Variants in DLK1 observed in about 807,000 individuals in gnomAD.
DLK1 encodes protein delta homolog 1.
A neutral mutation model predicts 35.2 loss-of-function variants in DLK1; 9 were observed. The ratio of observed to expected loss-of-function variants is 0.26; its 90% CI spans 0.15 to 0.45. The LOEUF (loss-of-function observed/expected upper bound fraction) is 0.45, where lower values mean the gene tolerates loss of function less well. DLK1 is among the 20% of genes least tolerant of loss of function. DLK1 has a pLI of 1.00. For missense variants in DLK1, 522 were observed against 528.5 expected, an observed-to-expected ratio of 0.99 and a Z score of 0.12; for synonymous variants, 231 against 228.4, an observed-to-expected ratio of 1.01 and a Z score of -0.10.
At chr14:100,729,793 C>T (rs1289786004) in intron 3 of DLK1, among the ~76,000 whole-genome samples, 1 of 152,136 alleles carries the variant, frequency 6.6e-6, no homozygotes, top group Non-Finnish European at 1.5e-5. Flanking sequence ...CCAGCCCTAA[C>T]GTTTGAGCAA....
At chr14:100,727,313 G>A (rs1454403927) in intron 1 of DLK1, among the ~76,000 whole-genome samples, 178 bp downstream of exon 1, 11 of 152,172 alleles carry the variant, frequency 7.2e-5, no homozygotes, top group Admixed American at 5.2e-4. Context: ...GCCAAGGCCC[G>A]TCCCAGGGGT....
intron 2 of DLK1, 138 bp from the exon 3 acceptor site, chr14:100,728,798 G>A (rs1387472733): frequency 3.4e-6 from 4 of 1,161,082 alleles, no homozygotes; most frequent in African/African-American, 1.5e-5. Flanking sequence ...CAGGTGGCTG[G>A]TGTTTACTTC....
At chr14:100,728,280 A>G (rs1366783374) in intron 1 of DLK1, 116 bp from the exon 2 acceptor site, 2 of 1,093,688 alleles carry the variant, frequency 1.8e-6, no homozygotes, top group Non-Finnish European at 2.8e-6. Context: ...GGCTGGTAGG[A>G]CCCAAGAGGG....
At chr14:100,731,846 CTT>C (rs2036510623) in intron 3 of DLK1, among the ~76,000 whole-genome samples, 194 bp from the exon 4 acceptor site, 1 of 152,160 alleles carries the variant, frequency 6.6e-6, no homozygotes, top group Non-Finnish European at 1.5e-5. Context: ...GATCTGTGAC[CTT>C]AGGCAAGGAA....
At chr14:100,728,191 TG>T (rs1187607461) in intron 1 of DLK1, among the ~76,000 whole-genome samples, 1 of 152,160 alleles carries the variant, frequency 6.6e-6, no homozygotes. Flanking sequence ...ATTTCATTGC[TG>T]GGAACGTGGC....
intron 1 of DLK1, among the ~76,000 whole-genome samples, chr14:100,727,993 A>G (rs2036456819): frequency 6.6e-6 from 1 of 152,058 alleles, no homozygotes; most frequent in African/African-American, 2.4e-5. Flanking sequence ...ACACCTCAAA[A>G]TCTGCTCCTC....
At chr14:100,733,065 A>G (rs930489594) in intron 4 of DLK1, among the ~76,000 whole-genome samples, 2 of 152,254 alleles carry the variant, frequency 1.3e-5, no homozygotes, top group South Asian at 2.1e-4. Flanking sequence ...GTAAACAGAC[A>G]TTAACGGGGC....
intron 2 of DLK1, 47 bp downstream of exon 2, chr14:100,728,506 G>A (rs1167987920): frequency 6.2e-7 from 1 of 1,606,440 alleles, no homozygotes; most frequent in Admixed American, 1.7e-5. Flanking sequence ...CCACGCAGAA[G>A]CCTGGGGAGT....
chr14:100,727,150 G>T lies in DLK1; in HGVS notation c.67+15G>T. The T allele has an allele frequency of 3.2e-6, 5 of 1,559,228 alleles. No individual in the cohort carries two copies. Among genetic ancestry groups the T allele is most frequent in the African/African-American group, 1.4e-5 (1 of 71,788 alleles). On this transcript the variant is annotated intron_variant, in intron 1 of 4. Coordinates refer to ENST00000341267, the MANE Select transcript of DLK1 (RefSeq NM_003836.7). Reference sequence around the variant, plus strand: ...CAGCACCTATGGTGAGTTCCCCGGCGGCCCGGCTCGCGCCCCCTCTGGGGA... The same window carrying T: ...CAGCACCTATGGTGAGTTCCCCGGCTGCCCGGCTCGCGCCCCCTCTGGGGA...
At position 100,729,133 on chromosome 14, in the gene DLK1, C is replaced by A. The variant is rs775270499; in HGVS notation, c.262+67C>A. On this transcript the variant is annotated intron_variant, in intron 3 of 4. Coordinates refer to ENST00000341267, the MANE Select transcript of DLK1 (RefSeq NM_003836.7). The stretch of plus-strand genomic sequence containing the variant: ...CTGCCTGCCCTAGCCCCTACCACCT[C>A]CTCCCAGTCTCCTGTTGCTGGTGTT... The A allele has an allele frequency of 6.9e-6, 11 of 1,605,182 alleles. No homozygotes were observed. In the East Asian group the frequency reaches 2.5e-4, roughly 36 times the overall value.
intron 3 of DLK1, among the ~76,000 whole-genome samples, chr14:100,730,088 G>A (rs1316566738): frequency 6.6e-6 from 1 of 152,230 alleles, no homozygotes; most frequent in Non-Finnish European, 1.5e-5. Context: ...TACAGCCAGG[G>A]CAGCCGTGGT....
At chr14:100,731,936 A>G in intron 3 of DLK1, 106 bp from the exon 4 acceptor site, 1 of 1,419,508 alleles carries the variant, frequency 7.0e-7, no homozygotes, top group Non-Finnish European at 9.4e-7. Context: ...CTCTTACTCC[A>G]GACCCCACTC....
chr14:100,730,190 A>G (rs1243221863), intron 3 of DLK1, among the ~76,000 whole-genome samples: 1 of 152,192 alleles, frequency 6.6e-6, no homozygotes, highest in Non-Finnish European at 1.5e-5. Context: ...CAGCTGACTC[A>G]TGCTCTGGCC....
intron 2 of DLK1, 99 bp from the exon 3 acceptor site, chr14:100,728,837 G>A (rs1249872130): frequency 1.3e-6 from 2 of 1,490,968 alleles, no homozygotes; most frequent in Non-Finnish European, 1.8e-6. Context: ...ACTGTGCAAA[G>A]ACCCCCAAGG....
Position 100,734,868 on chromosome 14 carries a change from G to T in DLK1, c.1124G>T (p.Ser375Ile). ...GAGAAGATCGACATGACCACCTTCA[G>T]CAAGGAGGCCGGCGACGAGGAGATC... ...FPEKIDMTTF[S>I]KEAGDEEI The change falls in exon 5 of 5, where the codon AGC becomes ATC. Residue 375 changes from serine to isoleucine, a missense_variant. Transcript: ENST00000341267. The surrounding 1 kb of genome is among the most constrained non-coding windows in gnomAD (Gnocchi z 7.4). The T allele has an allele frequency of 6.2e-7, 1 of 1,601,078 alleles. No individual in the cohort carries two copies. Among genetic ancestry groups the T allele is most frequent in the Non-Finnish European group, 8.5e-7 (1 of 1,174,266 alleles).
intron 4 of DLK1, among the ~76,000 whole-genome samples, 186 bp from the exon 5 acceptor site, chr14:100,733,963 C>T (rs1040534808): frequency 5.1e-5 from 7 of 137,770 alleles, no homozygotes; most frequent in African/African-American, 1.1e-4. Flanking sequence ...ACAGGGGTCA[C>T]GGCCCCGGGC....
At position 100,727,037 on chromosome 14, in the gene DLK1, G is replaced by T. The variant is rs749388501; in HGVS notation, c.-32G>T. On this transcript the variant is annotated 5_prime_UTR_variant, in exon 1 of 5. Coordinates refer to ENST00000341267, the MANE Select transcript of DLK1 (RefSeq NM_003836.7). Reference sequence around the variant, plus strand: ...CAGGAGCCGGACCCGCGCCCGCACCGCTCCCGGGACCGCGACCCCGGCCGC... The same window carrying T: ...CAGGAGCCGGACCCGCGCCCGCACCTCTCCCGGGACCGCGACCCCGGCCGC... 6.5e-7 allele frequency: 1 copy of T among 1,546,536 alleles called. No individual in the cohort carries two copies. The highest frequency in any genetic ancestry group is 1.2e-5 in the South Asian group (1 of 84,096).
chr14:100,734,511 C>T lies in DLK1; in HGVS notation c.767C>T (p.Thr256Ile), dbSNP rs1361049294. ...KKRALSPQQVTRLPSGYGLAY... is the reference protein window; with the variant it reads ...KKRALSPQQVIRLPSGYGLAY... ...CGCGCGCTGAGCCCCCAGCAGGTCA[C>T]CCGTCTGCCCAGCGGCTATGGGCTG... is the stretch of plus-strand genomic sequence containing the variant. Residue 256 changes from threonine to isoleucine, a missense_variant, in exon 5 of 5, where the codon ACC (threonine) becomes ATC (isoleucine). Physicochemically the swap from Thr to Ile is moderately conservative, Grantham distance 89. Coordinates refer to ENST00000341267, the MANE Select transcript of DLK1 (RefSeq NM_003836.7). The surrounding 1 kb of genome is among the most constrained non-coding windows in gnomAD (Gnocchi z 7.4). 3.1e-6 allele frequency: 5 copies of T among 1,611,190 alleles called. No individual in the cohort carries two copies. The South Asian group carries it at 4.4e-5, about 14-fold the overall frequency.
intron 3 of DLK1, among the ~76,000 whole-genome samples, 191 bp from the exon 4 acceptor site, chr14:100,731,849 AGG>A (rs2036510753): frequency 6.6e-6 from 1 of 152,206 alleles, no homozygotes; most frequent in Non-Finnish European, 1.5e-5. Context: ...CTGTGACCTT[AGG>A]CAAGGAAACC....
Sources: gnomAD v4.1 joint callset for allele counts (sites outside exome capture counted in the v4.1 genomes callset) on GRCh38, gnomAD v4.1.1 for gene constraint, Gnocchi (gnomAD v3.1) non-coding constraint, MANE v1.5 for transcripts, NCBI Gene and HGNC (gene_info 2026-07-23, HGNC 2026-07-21) for gene names.